AP3D1: variants seen among roughly 807,000 people sequenced by gnomAD.
AP3D1 encodes the protein AP-3 complex subunit delta-1.
AP3D1 carries 51 observed loss-of-function variants against 147.6 expected under a neutral mutation model. The observed-to-expected ratio is 0.35, with a 90% CI of 0.28 to 0.44. The LOEUF is 0.44. Ranked by LOEUF, AP3D1 falls within the 20% of genes least tolerant of loss-of-function variation. AP3D1 has a pLI of 1.00. For missense variants in AP3D1, 1,421 were observed against 1,624.2 expected, an observed-to-expected ratio of 0.87 and a Z score of 2.15; for synonymous variants, 760 against 663.0, an observed-to-expected ratio of 1.15 and a Z score of -2.25.
rs372854419 is a variant in AP3D1 at position 2,116,153 on chromosome 19, C to T, written c.2073+54G>A. 7.0e-4 allele frequency: 1,095 copies of T among 1,568,844 alleles called. 3 individuals carry two copies. The highest frequency in any genetic ancestry group is 6.6e-3 in the Middle Eastern group (38 of 5,752). On this transcript the variant is annotated intron_variant, in intron 18 of 31. Transcript: ENST00000643116. ...AAACTCAGATGGATGCCGCGGGGCTCGGGTGGTGAGGGTAGAGGGTGCTGA... is the reference window on the plus strand; with the variant it reads ...AAACTCAGATGGATGCCGCGGGGCTTGGGTGGTGAGGGTAGAGGGTGCTGA...
intron 30 of AP3D1, 32 bp from the exon 31 acceptor site, chr19:2,108,798 G>A (rs557215176): frequency 9.0e-6 from 14 of 1,550,406 alleles, no homozygotes; most frequent in African/African-American, 4.1e-5. Flanking sequence ...TAGGCTTCCC[G>A]GACATTGCAT....
At chr19:2,110,269 T>C in intron 27 of AP3D1, 45 bp from the exon 28 acceptor site, 2 of 1,541,826 alleles carry the variant, frequency 1.3e-6, no homozygotes, top group Non-Finnish European at 1.8e-6. Flanking sequence ...CTGCGGGGGC[T>C]CAGCATGGGT....
At position 2,111,120 on chromosome 19, in the gene AP3D1, C is replaced by T. The variant is rs968396926; in HGVS notation, c.2985+165G>A. On this transcript the variant is annotated intron_variant, in intron 26 of 31. Transcript: ENST00000643116. ...CCAAGTCTCAGGGCATGTCTCCAAC[C>T]TTACCCCAAGCCAGAGGTGCTGCCC... is the stretch of plus-strand genomic sequence containing the variant. 1.6e-4 allele frequency: 163 copies of T among 1,004,232 alleles called. 1 individual carries two copies. Among genetic ancestry groups the T allele is most frequent in the Non-Finnish European group, 1.9e-4 (128 of 685,544 alleles). 62.2% of individuals were successfully genotyped at this position (1,004,232 alleles called of 1,614,324 possible).
chr19:2,162,302 T>C (rs1428528995), intron 1 of AP3D1, among the ~76,000 whole-genome samples: 4 of 148,276 alleles, frequency 2.7e-5, no homozygotes, highest in Non-Finnish European at 6.0e-5. Context: ...TCCCAAAGTG[T>C]TGGGATTACA....
intron 9 of AP3D1, among the ~76,000 whole-genome samples, chr19:2,125,067 T>A (rs1340951182): frequency 6.6e-6 from 1 of 152,088 alleles, no homozygotes; most frequent in Non-Finnish European, 1.5e-5. Flanking sequence ...CACATAAATC[T>A]CAGAAATCAC....
At position 2,116,684 on chromosome 19, in the gene AP3D1, G is replaced by C. The variant is rs2018462111; in HGVS notation, c.1922C>G (p.Pro641Arg). 6.2e-7 allele frequency: 1 copy of C among 1,609,956 alleles called. No homozygotes were observed. Among genetic ancestry groups the C allele is most frequent in the Admixed American group, 1.7e-5 (1 of 59,634 alleles). Residue 641 changes from proline to arginine, a missense_variant, in exon 17 of 32, where the codon CCC becomes CGC. This residue lies in a region of AP3D1 where 791 missense variants were observed against 761.4 expected (regional missense o/e 1.04). Coordinates refer to ENST00000643116, the MANE Select transcript of AP3D1 (RefSeq NM_001261826.3). ...CTCCTCCTCGTGGAAGACGGCCCTGGGCCTCTCGTCCTCTGACTCGCTGTC... is the reference window on the plus strand; with the variant it reads ...CTCCTCCTCGTGGAAGACGGCCCTGCGCCTCTCGTCCTCTGACTCGCTGTC... ...LSDSESEDER[P>R]RAVFHEEEQR...
In AP3D1 at chr19:2,141,992, ATTTATTTACATATATG is replaced by A. The variant is rs1415421457; in HGVS notation, c.97-3294_97-3279del. Among the ~76,000 whole-genome samples, 10 of 149,848 alleles carry A rather than the reference ATTTATTTACATATATG, an allele frequency of 6.7e-5. No homozygotes were observed. The Admixed American group carries it at 6.7e-4, about 10-fold the overall frequency. ...TATATACTTGTTTACATATATATACATTTATTTACATATATGTTTATTTATATATATATATGTATCT... is the reference window on the plus strand; with the variant it reads ...TATATACTTGTTTACATATATATACATTTATTTATATATATATATGTATCT... On this transcript the variant is annotated intron_variant, in intron 1 of 31. Transcript: ENST00000643116.
chr19:2,132,643 A>AC, intron 4 of AP3D1, 65 bp from the exon 5 acceptor site: 1 of 1,438,540 alleles, frequency 7.0e-7, no homozygotes, highest in Non-Finnish European at 9.7e-7. Context: ...CGCCTGGGTC[A>AC]CCAGGAGCAG....
At chr19:2,110,918 A>C in intron 26 of AP3D1, 22 bp from the exon 27 acceptor site, 1 of 1,607,698 alleles carries the variant, frequency 6.2e-7, no homozygotes, top group Non-Finnish European at 8.5e-7. Context: ...GGCCAGTGTT[A>C]GCAGGGCAGG....
intron 1 of AP3D1, among the ~76,000 whole-genome samples, chr19:2,160,908 A>C (rs1404030084): frequency 6.6e-6 from 1 of 152,082 alleles, no homozygotes; most frequent in African/African-American, 2.4e-5. Context: ...TGACAATCAC[A>C]AATGTTCCCA....
Position 2,121,823 on chromosome 19 carries a change from C to T in AP3D1, c.1012G>A (p.Val338Met), listed in dbSNP as rs774847799. 41 of 1,612,364 alleles carry T rather than the reference C, an allele frequency of 2.5e-5. No individual in the cohort carries two copies. The highest frequency in any genetic ancestry group is 2.2e-5 in the East Asian group (1 of 44,770). The change falls in exon 12 of 32, where the codon GTG becomes ATG. Residue 338 changes from valine (V) to methionine (M), a missense_variant. This residue lies in a region of AP3D1 where 310 missense variants were observed against 388.1 expected (regional missense o/e 0.80). Coordinates refer to ENST00000643116, the MANE Select transcript of AP3D1 (RefSeq NM_001261826.3). ...AGGATGAGGTCCTTGTGGGACTGCA[C>T]GGACTTGGGGTGGGTCTTCAGGATC... Reference protein sequence around the residue: ...SKILKTHPKSVQSHKDLILQC... With the variant: ...SKILKTHPKSMQSHKDLILQC...
chr19:2,150,884 G>A (rs1568311380), intron 1 of AP3D1, among the ~76,000 whole-genome samples: 2 of 152,242 alleles, frequency 1.3e-5, no homozygotes, highest in East Asian at 1.9e-4. Flanking sequence ...ACGGGGGCAG[G>A]TGGGCCCGAA....
rs1356783303 is a variant in AP3D1, at chr19:2,130,440, C to G, written c.560G>C (p.Arg187Pro). The change falls in exon 6 of 32, where the codon CGG (arginine) becomes CCG (proline). Residue 187 changes from arginine to proline, a missense_variant. Coordinates refer to ENST00000643116, the MANE Select transcript of AP3D1 (RefSeq NM_001261826.3). ...YPESLRPAFPRLKEKLEDPDP... is the reference protein window; with the variant it reads ...YPESLRPAFPPLKEKLEDPDP... Reference sequence around the variant, plus strand: ...GGGGTCCTCCAGCTTCTCCTTCAGCCGGGGAAAGGCAGGGCGCAGCGACTC... The same window carrying G: ...GGGGTCCTCCAGCTTCTCCTTCAGCGGGGGAAAGGCAGGGCGCAGCGACTC... 6.2e-7 allele frequency: 1 copy of G among 1,613,888 alleles called. No homozygotes were observed. The highest frequency in any genetic ancestry group is 8.5e-7 in the Non-Finnish European group (1 of 1,180,020).
chr19:2,159,381 G>A (rs2019676364), intron 1 of AP3D1, among the ~76,000 whole-genome samples: 1 of 151,100 alleles, frequency 6.6e-6, no homozygotes. Context: ...ACCATGCCTA[G>A]CTAATTTTTT....
Position 2,102,123 on chromosome 19 carries a change from G to C in AP3D1, c.*50C>G. On this transcript the variant is annotated 3_prime_UTR_variant, in exon 32 of 32. Coordinates refer to ENST00000643116, the MANE Select transcript of AP3D1 (RefSeq NM_001261826.3). The stretch of plus-strand genomic sequence containing the variant: ...GAGAGGCGAGACACGTCAGGGCTGC[G>C]GTCCCTGGGTACGTGCTCCGCGGGG... The C allele has an allele frequency of 6.8e-7, 1 of 1,460,082 alleles. No individual in the cohort carries two copies. The allele number at this position is 1,460,082 out of a possible 1,614,324, so 90.4% of individuals were successfully genotyped here. A position where few individuals can be genotyped will look rare whatever the true frequency, so the allele number is the denominator to read the frequency against.
At chr19:2,120,577 C>T (rs1375214451) in intron 14 of AP3D1, among the ~76,000 whole-genome samples, 1 of 152,190 alleles carries the variant, frequency 6.6e-6, no homozygotes, top group African/African-American at 2.4e-5. Flanking sequence ...CCCCATGGAT[C>T]CTCCCACCTC....
At chr19:2,113,507 T>TCGCTGCCCC in intron 22 of AP3D1, 94 bp from the exon 23 acceptor site, 2 of 716,030 alleles carry the variant, frequency 2.8e-6, no homozygotes, top group South Asian at 5.1e-5. Context: ...CCAGCTGCCC[T>TCGCTGCCCC]CGCTGCCCCC....
chr19:2,111,659 G>A lies in AP3D1; in HGVS notation c.2937+20C>T. On this transcript the variant is annotated intron_variant, in intron 25 of 31. Coordinates refer to ENST00000643116, the MANE Select transcript of AP3D1 (RefSeq NM_001261826.3). ...GCCAGGAACCCCGGCGTGGGGCGGG[G>A]GCGCTGAAGTACCCCTCACCGGGAG... The A allele has an allele frequency of 6.4e-7, 1 of 1,569,512 alleles. No homozygotes were observed. Among genetic ancestry groups the A allele is most frequent in the Non-Finnish European group, 8.6e-7 (1 of 1,161,582 alleles).
At chr19:2,153,147 A>G (rs2019597523), upstream of AP3D1, among the ~76,000 whole-genome samples, 1 of 151,054 alleles carries the variant, frequency 6.6e-6, no homozygotes, top group South Asian at 2.1e-4. Context: ...GCCTAAAGGG[A>G]CAGATCACAT....
Sources: allele counts gnomAD v4.1 joint callset (sites outside exome capture counted in the v4.1 genomes callset), GRCh38; gene constraint gnomAD v4.1.1; regional missense constraint gnomAD v4.1.1; transcripts MANE v1.5; gene names NCBI Gene and HGNC (gene_info 2026-07-23, HGNC 2026-07-21).